WIPF2: variants seen among roughly 807,000 people sequenced by gnomAD.
The protein encoded by WIPF2 is WAS/WASL interacting protein family member 2, also known as WAS/WASL-interacting protein family member 2.
WIPF2 carries 23 observed loss-of-function variants against 38.8 expected under a neutral mutation model. The ratio of observed to expected loss-of-function variants is 0.59; its 90% CI spans 0.43 to 0.84. The LOEUF (loss-of-function observed/expected upper bound fraction) is 0.84, where lower values mean the gene tolerates loss of function less well. Ranked by LOEUF, WIPF2 falls within the 40% of genes least tolerant of loss-of-function variation. The pLI is 0.00. For missense variants in WIPF2, 574 were observed against 580.5 expected, an observed-to-expected ratio of 0.99 and a Z score of 0.11; for synonymous variants, 210 against 223.2, an observed-to-expected ratio of 0.94 and a Z score of 0.53.
chr17:40,252,820 A>G (rs961331926), intron 1 of WIPF2, among the ~76,000 whole-genome samples: 20 of 150,474 alleles, frequency 1.3e-4, no homozygotes, highest in African/African-American at 4.1e-4. Context: ...CTGGAGTACA[A>G]TGGCGCGATC....
At chr17:40,234,514 G>A (rs1360980640) in intron 1 of WIPF2, among the ~76,000 whole-genome samples, 4 of 152,122 alleles carry the variant, frequency 2.6e-5, no homozygotes, top group Non-Finnish European at 5.9e-5. Context: ...CAGCTATTTG[G>A]GAGGCTGAGA....
In WIPF2 at chr17:40,251,465, A is replaced by G. The variant is rs367952352; in HGVS notation, c.-69-4926A>G. ...CTTTTGGGAGTTTTTCAGGGAAAGG[A>G]AAGTTGTTTTAATTTGAATTCACCT... is the stretch of plus-strand genomic sequence containing the variant. On this transcript the variant is annotated intron_variant, in intron 1 of 7. Transcript: ENST00000323571. Among the ~76,000 whole-genome samples the G allele has an allele frequency of 1.6e-3, 237 of 152,280 alleles. 4 individuals are homozygous for G. The South Asian group carries it at 0.017, about 11-fold the overall frequency.
At chr17:40,276,520 CAAAAAAAAAAAAAAA>C (rs1160459322) in intron 6 of WIPF2, among the ~76,000 whole-genome samples, 2 of 71,616 alleles carry the variant, frequency 2.8e-5, no homozygotes, top group South Asian at 6.2e-4. Context: ...GACTCCGTCT[CAAAAAAAAAAAAAAA>C]AAAAAAAAGA....
chr17:40,235,698 C>T (rs2030942269), intron 1 of WIPF2, among the ~76,000 whole-genome samples: 1 of 151,568 alleles, frequency 6.6e-6, no homozygotes, highest in African/African-American at 2.4e-5. Flanking sequence ...CTCAGCCTCC[C>T]GAGTAGCTGG....
chr17:40,222,539 CAT>C (rs1260827635), intron 1 of WIPF2, among the ~76,000 whole-genome samples: 1 of 146,604 alleles, frequency 6.8e-6, no homozygotes, highest in African/African-American at 2.6e-5. Flanking sequence ...CAAAAGGAAA[CAT>C]GTTTTTCTGT....
intron 1 of WIPF2, among the ~76,000 whole-genome samples, chr17:40,220,880 ATTC>A (rs2030204714): frequency 6.9e-6 from 1 of 145,078 alleles, no homozygotes; most frequent in South Asian, 2.1e-4. Context: ...GTTCACGCCC[ATTC>A]TTCTGCCTCA....
At chr17:40,227,880 C>T (rs1353029562) in intron 1 of WIPF2, among the ~76,000 whole-genome samples, 1 of 150,814 alleles carries the variant, frequency 6.6e-6, no homozygotes, top group Non-Finnish European at 1.5e-5. Context: ...AAAGTTTGTT[C>T]CAGAGATACC....
chr17:40,227,438 G>C (rs2030541408), intron 1 of WIPF2, among the ~76,000 whole-genome samples: 1 of 152,134 alleles, frequency 6.6e-6, no homozygotes, highest in Non-Finnish European at 1.5e-5. Context: ...TAAGGAGTAT[G>C]TATCAACTCA....
intron 5 of WIPF2, among the ~76,000 whole-genome samples, chr17:40,270,538 T>C (rs2032220580): frequency 6.6e-6 from 1 of 152,140 alleles, no homozygotes; most frequent in Non-Finnish European, 1.5e-5. Context: ...ACCTGCCTGG[T>C]GTCTAGCTGG....
chr17:40,258,347 A>G (rs769133290), intron 2 of WIPF2, among the ~76,000 whole-genome samples: 3 of 151,980 alleles, frequency 2.0e-5, no homozygotes, highest in Non-Finnish European at 4.4e-5. Context: ...TGCACCCAGC[A>G]CTTTGGGAGG....
At chr17:40,274,308 T>C (rs1018967695) in intron 6 of WIPF2, among the ~76,000 whole-genome samples, 1 of 152,160 alleles carries the variant, frequency 6.6e-6, no homozygotes, top group African/African-American at 2.4e-5. Context: ...CTCTGTATCT[T>C]CTTTAGGATT....
intron 1 of WIPF2, among the ~76,000 whole-genome samples, chr17:40,250,618 C>A (rs1166564927): frequency 2.6e-5 from 4 of 152,014 alleles, no homozygotes; most frequent in Admixed American, 6.6e-5. Flanking sequence ...GAACTTGAGG[C>A]AGCCTCAAGA....
In WIPF2 at chr17:40,228,004, C is replaced by CTTTTTTTTT. The variant is rs763198849; in HGVS notation, c.-70+8517_-70+8518insTTTTTTTTT. 3.3e-5 allele frequency among the ~76,000 whole-genome samples: 4 copies of CTTTTTTTTT among 119,934 alleles called. 1 individual carries two copies. Among genetic ancestry groups the CTTTTTTTTT allele is most frequent in the Non-Finnish European group, 5.0e-5 (3 of 59,710 alleles). 78.7% of individuals were successfully genotyped at this position (119,934 alleles called of 152,430 possible). On this transcript the variant is annotated intron_variant, in intron 1 of 7. Coordinates refer to ENST00000323571, the MANE Select transcript of WIPF2 (RefSeq NM_133264.5). ...GTATCTTTTGCTTGTTTTTATACCT[C>CTTTTTTTTT]TTTTTGTTTTTTTTTTTTTTTTTTT...
At chr17:40,225,069 G>A (rs1488336718) in intron 1 of WIPF2, among the ~76,000 whole-genome samples, 1 of 152,020 alleles carries the variant, frequency 6.6e-6, no homozygotes, top group East Asian at 1.9e-4. Flanking sequence ...CAGATCCTGA[G>A]AGCTGCTTTG....
At chr17:40,237,609 C>T (rs959990438) in intron 1 of WIPF2, among the ~76,000 whole-genome samples, 2 of 151,284 alleles carry the variant, frequency 1.3e-5, no homozygotes, top group African/African-American at 4.9e-5. Context: ...TCTCTGTTGT[C>T]GCTTAATTCC....
intron 1 of WIPF2, among the ~76,000 whole-genome samples, chr17:40,234,183 A>G (rs2030861566): frequency 6.6e-6 from 1 of 152,202 alleles, no homozygotes; most frequent in Admixed American, 6.5e-5. Flanking sequence ...CCTGGCCAAC[A>G]TGGTAAAACC....
intron 1 of WIPF2, among the ~76,000 whole-genome samples, chr17:40,248,033 T>C (rs2031427838): frequency 6.6e-6 from 1 of 152,078 alleles, no homozygotes; most frequent in African/African-American, 2.4e-5. Context: ...TTGAAAAATA[T>C]ACAAAGTGGA....
chr17:40,227,918 T>G (rs1165929700), intron 1 of WIPF2, among the ~76,000 whole-genome samples: 1 of 151,654 alleles, frequency 6.6e-6, no homozygotes, highest in Admixed American at 6.6e-5. Flanking sequence ...ATATGTATAT[T>G]TCTTGTTTTT....
At position 40,264,720 on chromosome 17, in the gene WIPF2, C is replaced by CCCA; in HGVS notation, c.545_546insCAC (p.Pro182_Gly183insThr). ...CTCCTCTGCCCCTCCCCCACCACCC[C>CCCA]CAGGGCGGCGTGCCAACGCACCCCC... On this transcript the variant is annotated inframe_insertion, in exon 5 of 8. Transcript: ENST00000323571. 1 of 1,611,612 alleles carries CCCA rather than the reference C, an allele frequency of 6.2e-7. No individual in the cohort carries two copies. The highest frequency in any genetic ancestry group is 1.1e-5 in the South Asian group (1 of 90,708).
Sources: gnomAD v4.1 joint callset for allele counts (sites outside exome capture counted in the v4.1 genomes callset) on GRCh38, gnomAD v4.1.1 for gene constraint, MANE v1.5 for transcripts, NCBI Gene and HGNC (gene_info 2026-07-23, HGNC 2026-07-21) for gene names.